Variants in RNF144A observed in about 807,000 individuals in gnomAD.
The protein encoded by RNF144A is ring finger protein 144A, also known as E3 ubiquitin-protein ligase RNF144A.
RNF144A carries 11 observed loss-of-function variants against 38.7 expected under a neutral mutation model. The observed-to-expected ratio is 0.28, with a 90% CI of 0.18 to 0.47. The LOEUF (loss-of-function observed/expected upper bound fraction) is 0.47, where lower values mean the gene tolerates loss of function less well. RNF144A is among the 20% of genes least tolerant of loss of function. The pLI, the probability that RNF144A is intolerant of heterozygous loss-of-function variation, is 0.99. For synonymous variants in RNF144A, 149 were observed against 143.9 expected, an observed-to-expected ratio of 1.04 and a Z score of -0.25; for missense variants, 316 against 377.2, an observed-to-expected ratio of 0.84 and a Z score of 1.34.
intron 1 of RNF144A, among the ~76,000 whole-genome samples, chr2:6,925,845 G>A (rs1032278073): frequency 5.9e-5 from 9 of 151,992 alleles, no homozygotes; most frequent in African/African-American, 2.2e-4. Flanking sequence ...CTTTGGGGGA[G>A]ACATGATTCA....
intron 5 of RNF144A, among the ~76,000 whole-genome samples, chr2:7,016,788 G>T (rs1671168218): frequency 6.6e-6 from 1 of 152,052 alleles, no homozygotes; most frequent in Admixed American, 6.6e-5. Flanking sequence ...ATCTAGTCAA[G>T]TAGAGGACGC....
intron 1 of RNF144A, among the ~76,000 whole-genome samples, chr2:6,939,680 T>C (rs771489032): frequency 3.9e-5 from 6 of 152,242 alleles, no homozygotes; most frequent in Non-Finnish European, 5.9e-5. Context: ...TTATGTTTTA[T>C]TTGTAAGAGT....
intron 7 of RNF144A, among the ~76,000 whole-genome samples, chr2:7,027,887 T>C (rs1672018662): frequency 1.3e-5 from 2 of 151,806 alleles, no homozygotes; most frequent in Admixed American, 6.6e-5. Flanking sequence ...AGAAAAGTGC[T>C]TTTTAAATAA....
intron 2 of RNF144A, among the ~76,000 whole-genome samples, chr2:6,964,992 G>A (rs1350294711): frequency 6.6e-6 from 1 of 152,000 alleles, no homozygotes; most frequent in Non-Finnish European, 1.5e-5. Context: ...AAAAAAAGAG[G>A]GAGCATGGGT....
intron 1 of RNF144A, among the ~76,000 whole-genome samples, chr2:6,930,469 T>G (rs1665134428): frequency 6.6e-6 from 1 of 151,972 alleles, no homozygotes; most frequent in Non-Finnish European, 1.5e-5. Flanking sequence ...CCACACAAAT[T>G]TTGTTACTCC....
intron 2 of RNF144A, among the ~76,000 whole-genome samples, chr2:6,957,773 T>C (rs1007476357): frequency 2.6e-5 from 4 of 152,258 alleles, no homozygotes; most frequent in African/African-American, 9.6e-5. Flanking sequence ...GCTACCTCTT[T>C]GCAAATGCTT....
At chr2:7,052,954 A>G (rs1455756843) in intron 6 of RNF144A, among the ~76,000 whole-genome samples, 1 of 152,158 alleles carries the variant, frequency 6.6e-6, no homozygotes. Flanking sequence ...TTTCTCCTGC[A>G]CTGCATTAAG....
intron 2 of RNF144A, among the ~76,000 whole-genome samples, chr2:6,995,519 C>A (rs956708695): frequency 6.6e-6 from 1 of 152,166 alleles, no homozygotes; most frequent in South Asian, 2.1e-4. Context: ...GTCCAAGTCC[C>A]AAAATCTCAG....
At chr2:6,992,128 C>T (rs147630474) in intron 2 of RNF144A, among the ~76,000 whole-genome samples, 246 of 152,258 alleles carry the variant, frequency 1.6e-3, no homozygotes, top group East Asian at 7.1e-3. Flanking sequence ...GGGCTTCGAC[C>T]CACACAGCCT....
At chr2:6,938,223 C>T (rs1248308694) in intron 1 of RNF144A, among the ~76,000 whole-genome samples, 5 of 140,198 alleles carry the variant, frequency 3.6e-5, no homozygotes, top group African/African-American at 1.3e-4. Flanking sequence ...TTCTGTTCCC[C>T]TCCCCTCCCC....
intron 1 of RNF144A, among the ~76,000 whole-genome samples, chr2:6,921,715 C>A (rs1664551344): frequency 6.6e-6 from 1 of 152,180 alleles, no homozygotes; most frequent in Non-Finnish European, 1.5e-5. Context: ...GGGCAGAGAG[C>A]AGTGGGACCC....
chr2:7,019,593 G>T (rs1671380104), intron 5 of RNF144A, among the ~76,000 whole-genome samples: 1 of 152,232 alleles, frequency 6.6e-6, no homozygotes, highest in East Asian at 1.9e-4. Flanking sequence ...GCACTGGCCT[G>T]GGAGAGCTTT....
Position 6,958,607 on chromosome 2 carries a change from C to T in RNF144A, c.-12+17460C>T, listed in dbSNP as rs952361889. Among the ~76,000 whole-genome samples, 3 of 152,078 alleles carry T rather than the reference C, an allele frequency of 2.0e-5. No individual in the cohort carries two copies. The highest frequency in any genetic ancestry group is 1.3e-4 in the Admixed American group (2 of 15,266). Reference sequence around the variant, plus strand: ...ACTCAGTAGCCTCTCTCCTATGTCACGGTGGGAGTGTGTGGGACGTTGAGG... The same window carrying T: ...ACTCAGTAGCCTCTCTCCTATGTCATGGTGGGAGTGTGTGGGACGTTGAGG... On this transcript the variant is annotated intron_variant, in intron 2 of 8. Transcript: ENST00000320892. The surrounding 1 kb of genome is among the most constrained non-coding windows in gnomAD (Gnocchi z 4.5).
At chr2:6,998,904 G>A (rs1669927790) in intron 3 of RNF144A, among the ~76,000 whole-genome samples, 1 of 151,846 alleles carries the variant, frequency 6.6e-6, no homozygotes. Context: ...GGGGGTGGGG[G>A]CGGGGGGCAT....
chr2:6,940,175 G>C (rs1032977040), intron 1 of RNF144A, among the ~76,000 whole-genome samples: 3 of 152,114 alleles, frequency 2.0e-5, no homozygotes, highest in African/African-American at 7.2e-5. Flanking sequence ...GGAAGGTGTT[G>C]CTATCTTAGC....
At chr2:6,984,733 A>C (rs1668846162) in intron 2 of RNF144A, among the ~76,000 whole-genome samples, 1 of 152,192 alleles carries the variant, frequency 6.6e-6, no homozygotes, top group Admixed American at 6.5e-5. Flanking sequence ...GGAGTGCGTA[A>C]TTGTATTTAT....
At chr2:7,058,338 GAA>G (rs376684925) in intron 6 of RNF144A, among the ~76,000 whole-genome samples, 13,969 of 105,848 alleles carry the variant, frequency 0.13, 1,561 homozygotes, top group African/African-American at 0.31. Flanking sequence ...TGGGGGAACT[GAA>G]AAAAAAAAAA....
intron 3 of RNF144A, among the ~76,000 whole-genome samples, chr2:7,013,164 A>G (rs368073121): frequency 6.6e-6 from 1 of 152,224 alleles, no homozygotes; most frequent in African/African-American, 2.4e-5. Flanking sequence ...TATCAAGCAT[A>G]TACTCTTCTC....
chr2:7,039,925 G>A lies in RNF144A; in HGVS notation c.*165G>A, dbSNP rs1558457017. The A allele has an allele frequency of 1.1e-5, 15 of 1,426,586 alleles. No homozygotes were observed. Among genetic ancestry groups the A allele is most frequent in the Non-Finnish European group, 1.4e-5 (15 of 1,091,750 alleles). The allele number at this position is 1,426,586 out of a possible 1,614,324, so 88.4% of individuals were successfully genotyped here. On this transcript the variant is annotated 3_prime_UTR_variant, in exon 9 of 9. Transcript: ENST00000320892. Reference sequence around the variant, plus strand: ...TGATTTCAGGGACCTATGTCACAATGTTCGCTGAGGCCCCAGGTGTGGTGG... The same window carrying A: ...TGATTTCAGGGACCTATGTCACAATATTCGCTGAGGCCCCAGGTGTGGTGG...
Sources: allele counts gnomAD v4.1 joint callset (sites outside exome capture counted in the v4.1 genomes callset), GRCh38; gene constraint gnomAD v4.1.1; non-coding constraint Gnocchi (gnomAD v3.1); transcripts MANE v1.5; gene names NCBI Gene and HGNC (gene_info 2026-07-23, HGNC 2026-07-21).